TOPORS: variants seen among roughly 807,000 people sequenced by gnomAD.
TOPORS encodes the protein E3 ubiquitin-protein ligase Topors.
A neutral mutation model predicts 81.4 loss-of-function variants in TOPORS; 25 were observed. That is an observed-to-expected ratio of 0.31 (90% confidence interval 0.22 to 0.43). TOPORS has a LOEUF of 0.43. Ranked by LOEUF, TOPORS falls within the 20% of genes least tolerant of loss-of-function variation. TOPORS has a pLI of 1.00. For synonymous variants in TOPORS, 473 were observed against 456.6 expected, an observed-to-expected ratio of 1.04 and a Z score of -0.46; for missense variants, 1,101 against 1,267.0, an observed-to-expected ratio of 0.87 and a Z score of 1.99.
In TOPORS at chr9:32,551,526, C is replaced by T. The variant is rs1312785335; in HGVS notation, c.4-558G>A. 5.9e-5 allele frequency: 15 copies of T among 256,328 alleles called. No homozygotes were observed. The East Asian group carries it at 1.1e-3, about 19-fold the overall frequency. The allele number at this position is 256,328 out of a possible 1,614,324, so 15.9% of individuals were successfully genotyped here. ...GGGCCTGGACTCCTCCCTAAACAGA[C>T]CACGTTTTTCTCCGCTCTTCCCCTT... On this transcript the variant is annotated intron_variant, in intron 1 of 2. Transcript: ENST00000360538.
At chr9:32,548,127 G>A (rs1821166246) in intron 2 of TOPORS, among the ~76,000 whole-genome samples, 1 of 150,286 alleles carries the variant, frequency 6.7e-6, no homozygotes, top group South Asian at 2.1e-4. Flanking sequence ...TGGGATTACA[G>A]GCGTAAGCCA....
chr9:32,550,855 G>A lies in TOPORS; in HGVS notation c.117C>T (p.Ser39=), dbSNP rs1473029074. 1 of 1,613,058 alleles carries A rather than the reference G, an allele frequency of 6.2e-7. No individual in the cohort carries two copies. Among genetic ancestry groups the A allele is most frequent in the Non-Finnish European group, 8.5e-7 (1 of 1,179,806 alleles). ...RRSRRVRLRG[S]CRHRPSFLGC... ...CCAGAAAGCTAGGTCGGTGTCGGCA[G>A]GATCCGCGAAGGCGTACCCGGCGAC... Residue 39 remains serine, a synonymous_variant, in exon 2 of 3, where the codon TCC becomes TCT. Transcript: ENST00000360538.
rs112527210 is a variant in TOPORS, at chr9:32,550,914, G to A, written c.58C>T (p.Pro20Ser). ...CTACCCTCCGAAGCGGGAGCAGGCG[G>A]GGGCGCTTCACCCTCCTCGCGAGAC... ...PLSREEGEAP[P>S]PAPASEGRRR... The change falls in exon 2 of 3, where the codon CCG becomes TCG. Residue 20 changes from proline to serine, a missense_variant. Physicochemically the swap from Pro to Ser is moderately conservative, Grantham distance 74 (BLOSUM62 -1). Around this residue, in one of 9 missense-constraint regions of TOPORS, gnomAD observed 131 missense variants for 101.0 expected, o/e 1.30. Transcript: ENST00000360538. The A allele has an allele frequency of 0.022, 36,203 of 1,612,818 alleles. 475 individuals are homozygous for A. Among genetic ancestry groups the A allele is most frequent in the Non-Finnish European group, 0.025 (29,348 of 1,179,804 alleles).
chr9:32,550,901 G>A lies in TOPORS; in HGVS notation c.71C>T (p.Ala24Val). 1.9e-6 allele frequency: 3 copies of A among 1,612,970 alleles called. No individual in the cohort carries two copies. The highest frequency in any genetic ancestry group is 2.2e-5 in the South Asian group (2 of 91,074). ...GCGACTTCTCCGCCTACCCTCCGAAGCGGGAGCAGGCGGGGGCGCTTCACC... is the reference window on the plus strand; with the variant it reads ...GCGACTTCTCCGCCTACCCTCCGAAACGGGAGCAGGCGGGGGCGCTTCACC... ...EEGEAPPPAP[A>V]SEGRRRSRRV... Residue 24 changes from alanine to valine, a missense_variant, in exon 2 of 3, where the codon GCT (alanine) becomes GTT (valine). This residue lies in a region of TOPORS where 131 missense variants were observed against 101.0 expected (regional missense o/e 1.30). Coordinates refer to ENST00000360538, the MANE Select transcript of TOPORS (RefSeq NM_005802.5).
rs997795489 is a variant in TOPORS, at chr9:32,542,546, A to T, written c.1979T>A (p.Leu660Gln). The T allele has an allele frequency of 6.2e-7, 1 of 1,614,124 alleles. No homozygotes were observed. The highest frequency in any genetic ancestry group is 8.5e-7 in the Non-Finnish European group (1 of 1,180,018). ...GCTTGTGCTTTCACTACTTAGAGAC[A>T]GAGTTTGGCTTCTTCTGGACCAACT... ...DSSWSRRSQTLSLSSESTSRS... is the reference protein window; with the variant it reads ...DSSWSRRSQTQSLSSESTSRS... Residue 660 changes from leucine (L) to glutamine (Q), a missense_variant, in exon 3 of 3, where the codon CTG becomes CAG. Physicochemically the swap from Leu to Gln is moderately radical, Grantham distance 113. Transcript: ENST00000360538.
chr9:32,551,871 C>A, intron 1 of TOPORS: 1 of 411,996 alleles, frequency 2.4e-6, no homozygotes, highest in African/African-American at 2.0e-5. Context: ...TGAAGAATGG[C>A]TCGATTTACA....
chr9:32,543,694 G>T lies in TOPORS; in HGVS notation c.831C>A (p.Arg277=), dbSNP rs781754413. 4 of 1,613,102 alleles carry T rather than the reference G, an allele frequency of 2.5e-6. No individual in the cohort carries two copies. Among genetic ancestry groups the T allele is most frequent in the Non-Finnish European group, 3.4e-6 (4 of 1,179,766 alleles). ...AAAATTCAGCTGAAATATCCCTGTA[G>T]CGGCCACCATCTTCAATATTTCTAA... ...ARVRNIEDGG[R]YRDISAEFFR... The change falls in exon 3 of 3, where the codon CGC becomes CGA. Residue 277 remains arginine, a synonymous_variant. Coordinates refer to ENST00000360538, the MANE Select transcript of TOPORS (RefSeq NM_005802.5). The surrounding 1 kb of genome is among the most constrained non-coding windows in gnomAD (Gnocchi z 5.6).
chr9:32,551,719 G>C (rs1821266859), intron 1 of TOPORS: 2 of 404,850 alleles, frequency 4.9e-6, no homozygotes, highest in South Asian at 3.4e-5. Flanking sequence ...AAACTGCCGT[G>C]CTCGGGGCTT....
intron 2 of TOPORS, among the ~76,000 whole-genome samples, chr9:32,544,942 A>G (rs554822351): frequency 6.6e-6 from 1 of 152,344 alleles, no homozygotes; most frequent in African/African-American, 2.4e-5. Flanking sequence ...TATCTGTGAT[A>G]TTTTGTATGT....
chr9:32,548,326 C>A (rs1043174151), intron 2 of TOPORS, among the ~76,000 whole-genome samples: 1 of 150,802 alleles, frequency 6.6e-6, no homozygotes, highest in Non-Finnish European at 1.5e-5. Context: ...GAGTTCGAGA[C>A]CAGCCTGACC....
chr9:32,542,152 C>A lies in TOPORS; in HGVS notation c.2373G>T (p.Lys791Asn). The A allele has an allele frequency of 6.2e-7, 1 of 1,614,154 alleles. No homozygotes were observed. Among genetic ancestry groups the A allele is most frequent in the South Asian group, 1.1e-5 (1 of 91,076 alleles). Residue 791 changes from lysine to asparagine, a missense_variant, in exon 3 of 3, where the codon AAG becomes AAT. By Grantham distance (94) the Lys-to-Asn change is moderately conservative. Around this residue, in one of 9 missense-constraint regions of TOPORS, gnomAD observed 605 missense variants for 636.1 expected, o/e 0.95. Coordinates refer to ENST00000360538, the MANE Select transcript of TOPORS (RefSeq NM_005802.5). ...STGTDRVRNE[K>N]PGGKRKYKTR... ...TTTTGTATTTTCGTTTCCCTCCAGG[C>A]TTTTCATTTCTCACCCGGTCAGTCC...
At position 32,542,532 on chromosome 9, in the gene TOPORS, C is replaced by T. The variant is rs1821082257; in HGVS notation, c.1993G>A (p.Glu665Lys). The T allele has an allele frequency of 1.2e-6, 2 of 1,613,968 alleles. No homozygotes were observed. Among genetic ancestry groups the T allele is most frequent in the Non-Finnish European group, 1.7e-6 (2 of 1,180,040 alleles). ...RRSQTLSLSS[E>K]STSRSRSRSS... ...CGAGACCTTGATCTGCTTGTGCTTT[C>T]ACTACTTAGAGACAGAGTTTGGCTT... Residue 665 changes from glutamate to lysine, a missense_variant, in exon 3 of 3, where the codon GAA (glutamate) becomes AAA (lysine). Coordinates refer to ENST00000360538, the MANE Select transcript of TOPORS (RefSeq NM_005802.5).
Position 32,552,457 on chromosome 9 carries a change from C to A in TOPORS, c.-21G>T, listed in dbSNP as rs768116731. 3.7e-6 allele frequency: 6 copies of A among 1,603,042 alleles called. No individual in the cohort carries two copies. The African/African-American group carries it at 8.0e-5, about 21-fold the overall frequency. On this transcript the variant is annotated 5_prime_UTR_variant, in exon 1 of 3. Coordinates refer to ENST00000360538, the MANE Select transcript of TOPORS (RefSeq NM_005802.5). ...ACCATGAAGCCAGTAAGTCGTCGCA[C>A]GCTGGACTGGATTTATTCAGTGGTA...
In TOPORS at chr9:32,541,845, T is replaced by C; in HGVS notation, c.2680A>G (p.Lys894Glu). The C allele has an allele frequency of 6.2e-7, 1 of 1,614,182 alleles. No individual in the cohort carries two copies. Among genetic ancestry groups the C allele is most frequent in the Non-Finnish European group, 8.5e-7 (1 of 1,180,020 alleles). ...KKKKKHKKKH[K>E]KHHGDNASRS... ...GAAGCATTATCTCCATGGTGTTTCT[T>C]ATGCTTCTTCTTATGTTTCTTCTTT... Residue 894 changes from lysine (K) to glutamate (E), a missense_variant, in exon 3 of 3, where the codon AAG (lysine) becomes GAG (glutamate). By Grantham distance (56) the Lys-to-Glu change is moderately conservative. Around this residue, in one of 9 missense-constraint regions of TOPORS, gnomAD observed 605 missense variants for 636.1 expected, o/e 0.95. Coordinates refer to ENST00000360538, the MANE Select transcript of TOPORS (RefSeq NM_005802.5).
At position 32,543,904 on chromosome 9, in the gene TOPORS, C is replaced by T. The variant is rs748364310; in HGVS notation, c.621G>A (p.Pro207=). ...GPVNRRTTTP[P]DSGVLFEGLG... is the part of the protein sequence containing the mutation. ...ACCCTTCAAACAGTACTCCACTATC[C>T]GGTGGAGTTGTTGTTCTTCTGTTCA... The change falls in exon 3 of 3, where the codon CCG becomes CCA. Residue 207 remains proline, a synonymous_variant. Transcript: ENST00000360538. The surrounding 1 kb of genome is among the most constrained non-coding windows in gnomAD (Gnocchi z 5.6). 26 of 1,613,974 alleles carry T rather than the reference C, an allele frequency of 1.6e-5. No homozygotes were observed. Among genetic ancestry groups the T allele is most frequent in the South Asian group, 6.6e-5 (6 of 91,082 alleles).
chr9:32,544,227 C>T lies in TOPORS; in HGVS notation c.298G>A (p.Asp100Asn), dbSNP rs1308861789. Residue 100 changes from aspartate to asparagine, a missense_variant, in exon 3 of 3, where the codon GAT becomes AAT. Around this residue, in one of 9 missense-constraint regions of TOPORS, gnomAD observed 48 missense variants for 73.3 expected, o/e 0.65. Coordinates refer to ENST00000360538, the MANE Select transcript of TOPORS (RefSeq NM_005802.5). ...QQTVPADASP[D>N]SKCPICLDRF... ...TCCAAGCATATAGGACACTTAGAAT[C>T]AGGAGATGCATCAGCTGGTACTGTC... The T allele has an allele frequency of 6.2e-7, 1 of 1,611,214 alleles. No homozygotes were observed. Among genetic ancestry groups the T allele is most frequent in the Admixed American group, 1.7e-5 (1 of 60,016 alleles).
Position 32,544,022 on chromosome 9 carries a change from T to A in TOPORS, c.503A>T (p.Asn168Ile). ...FKEYVLRPSY[N>I]GSFVTPDRRF... ...TCGATCAGGGGTGACAAAAGAACCA[T>A]TATACGAAGGCCTTAGGACATACTC... Residue 168 changes from asparagine (N) to isoleucine (I), a missense_variant, in exon 3 of 3, where the codon AAT (asparagine) becomes ATT (isoleucine). By Grantham distance (149) the Asn-to-Ile change is moderately radical (BLOSUM62 -3). Around this residue, in one of 9 missense-constraint regions of TOPORS, gnomAD observed 120 missense variants for 115.4 expected, o/e 1.04. Transcript: ENST00000360538. The A allele has an allele frequency of 6.2e-7, 1 of 1,614,158 alleles. No individual in the cohort carries two copies. The highest frequency in any genetic ancestry group is 8.5e-7 in the Non-Finnish European group (1 of 1,180,016).
At chr9:32,552,147 TG>T in intron 1 of TOPORS, 1 of 566,354 alleles carries the variant, frequency 1.8e-6, no homozygotes, top group Non-Finnish European at 3.1e-6. Context: ...AGAAAACCAG[TG>T]GAGGTACGCC....
At chr9:32,549,508 T>C (rs1184956412) in intron 2 of TOPORS, among the ~76,000 whole-genome samples, 10 of 152,184 alleles carry the variant, frequency 6.6e-5, no homozygotes, top group Admixed American at 3.3e-4. Context: ...TAAAATGGAA[T>C]TGAAAAGGTG....
Sources: gnomAD v4.1 joint callset for allele counts (sites outside exome capture counted in the v4.1 genomes callset) on GRCh38, gnomAD v4.1.1 for gene constraint, gnomAD v4.1.1 regional missense constraint, Gnocchi (gnomAD v3.1) non-coding constraint, MANE v1.5 for transcripts, NCBI Gene and HGNC (gene_info 2026-07-23, HGNC 2026-07-21) for gene names.